GLT8D2: variants seen among roughly 807,000 people sequenced by gnomAD.
GLT8D2 encodes glycosyltransferase 8 domain-containing protein 2.
Under a neutral mutation model 44.5 loss-of-function variants are expected in GLT8D2, and 45 were observed. The observed-to-expected ratio is 1.01, with a 90% CI of 0.80 to 1.30. The LOEUF is 1.30. Among genes scored for constraint, GLT8D2 ranks in the 50% most tolerant of loss-of-function variants. GLT8D2 has a pLI of 0.00. For synonymous variants in GLT8D2, 156 were observed against 157.2 expected, an observed-to-expected ratio of 0.99 and a Z score of 0.06; for missense variants, 400 against 430.4, an observed-to-expected ratio of 0.93 and a Z score of 0.62.
chr12:104,002,261 C>T (rs1013593792), intron 5 of GLT8D2, among the ~76,000 whole-genome samples: 15 of 152,194 alleles, frequency 9.9e-5, no homozygotes, highest in African/African-American at 2.9e-4. Flanking sequence ...ACCCAGCCTA[C>T]AACACCTTTT....
chr12:104,004,013 T>G (rs975878177), intron 4 of GLT8D2, among the ~76,000 whole-genome samples: 1 of 151,986 alleles, frequency 6.6e-6, no homozygotes, highest in African/African-American at 2.4e-5. Context: ...CAGCAGCACA[T>G]CAAAAAGCTT....
chr12:103,992,719 T>A (rs1404431693), intron 10 of GLT8D2, among the ~76,000 whole-genome samples: 1 of 152,058 alleles, frequency 6.6e-6, no homozygotes, highest in Admixed American at 6.5e-5. Context: ...CTTGAACTCC[T>A]AACCTCAGGT....
chr12:104,025,246 T>A (rs1463372846), intron 1 of GLT8D2, among the ~76,000 whole-genome samples: 1 of 151,860 alleles, frequency 6.6e-6, no homozygotes, highest in Admixed American at 6.6e-5. Flanking sequence ...TTTTACTCCA[T>A]CACCCAGGCT....
intron 1 of GLT8D2, among the ~76,000 whole-genome samples, chr12:104,040,291 A>G (rs973829309): frequency 6.6e-6 from 1 of 152,250 alleles, no homozygotes; most frequent in Non-Finnish European, 1.5e-5. Context: ...AACTTAAAGT[A>G]TAATAATAAA....
chr12:104,037,281 A>C (rs1053860698), intron 1 of GLT8D2, among the ~76,000 whole-genome samples: 2 of 152,236 alleles, frequency 1.3e-5, no homozygotes, highest in African/African-American at 4.8e-5. Context: ...AACACATTCA[A>C]AAGCTAACAG....
Position 103,993,506 on chromosome 12 carries a change from T to C in GLT8D2, c.768-2A>G. On this transcript the variant is annotated splice_acceptor_variant, in intron 9 of 10. Transcript: ENST00000360814. LOFTEE classifies it high-confidence loss of function. ...AGGGAGCTGCTATAGAGGTTTTCCC[T>C]AAGAAATGAAATAGAAAAACAACAT... is the stretch of plus-strand genomic sequence containing the variant. 6.4e-7 allele frequency: 1 copy of C among 1,553,996 alleles called. No homozygotes were observed. The highest frequency in any genetic ancestry group is 8.7e-7 in the Non-Finnish European group (1 of 1,152,670).
chr12:104,049,842 C>A (rs1226263657), intron 1 of GLT8D2, 53 bp downstream of exon 1: 3 of 152,166 alleles, frequency 2.0e-5, no homozygotes, highest in African/African-American at 4.8e-5. Flanking sequence ...TGCTGCAGAC[C>A]GGCCAGGATA....
intron 6 of GLT8D2, among the ~76,000 whole-genome samples, chr12:103,998,231 CT>C (rs34268360): frequency 0.12 from 17,852 of 143,236 alleles, 1,397 homozygotes; most frequent in East Asian, 0.32. Context: ...AAACACCACT[CT>C]TTTTTTTTTT....
chr12:104,023,597 A>T (rs1003622962), intron 1 of GLT8D2, among the ~76,000 whole-genome samples: 1 of 152,124 alleles, frequency 6.6e-6, no homozygotes, highest in Non-Finnish European at 1.5e-5. Context: ...GGACTTTTAC[A>T]CATGCATAGA....
In GLT8D2 at chr12:104,064,144, C is replaced by A. The variant is rs1459671643; in HGVS notation, c.-618G>T. On this transcript the variant is annotated 5_prime_UTR_variant, in exon 1 of 11. Coordinates refer to the GLT8D2 transcript ENST00000548660. This position sits in a 1 kb window ranked among gnomAD's most constrained non-coding sequence, Gnocchi z 7.3. Reference sequence around the variant, plus strand: ...CGAGGTCCCCGCCCTGCGCTCCCAGCTCTTCGAACCTCTACCCGAGCTTCT... The same window carrying A: ...CGAGGTCCCCGCCCTGCGCTCCCAGATCTTCGAACCTCTACCCGAGCTTCT... 6.5e-6 allele frequency: 1 copy of A among 154,522 alleles called. No homozygotes were observed. The highest frequency in any genetic ancestry group is 2.4e-5 in the African/African-American group (1 of 41,568). The allele number at this position is 154,522 out of a possible 1,614,324, so 9.6% of individuals were successfully genotyped here.
intron 3 of GLT8D2, among the ~76,000 whole-genome samples, chr12:104,016,756 AAAGAAAGAAAGAAAGAAAG>A (rs1876752708): frequency 9.2e-6 from 1 of 108,792 alleles, no homozygotes; most frequent in Non-Finnish European, 2.0e-5. Flanking sequence ...AGAAAGAAAG[AAAGAAAGAAAGAAAGAAAG>A]AAGGAAGGAA....
Position 103,994,333 on chromosome 12 carries a change from A to G in GLT8D2, c.767+2T>C. 6.2e-7 allele frequency: 1 copy of G among 1,604,578 alleles called. No homozygotes were observed. Among genetic ancestry groups the G allele is most frequent in the Non-Finnish European group, 8.5e-7 (1 of 1,174,424 alleles). ...AAAAATGGTAGAGAAGCCTTCACGT[A>G]CTCCACATTCTTTTGCATCCATTTC... On this transcript the variant is annotated splice_donor_variant, in intron 9 of 10. Coordinates refer to ENST00000360814, the MANE Select transcript of GLT8D2 (RefSeq NM_001384711.1). LOFTEE classifies it high-confidence loss of function.
intron 10 of GLT8D2, among the ~76,000 whole-genome samples, chr12:103,992,491 CTTT>C (rs1232659471): frequency 9.2e-5 from 12 of 129,972 alleles, no homozygotes; most frequent in South Asian, 2.5e-4. Flanking sequence ...CTCTCTCTCT[CTTT>C]TTTTTTTTTT....
chr12:104,040,772 C>T (rs993014800), intron 1 of GLT8D2, among the ~76,000 whole-genome samples: 2 of 152,048 alleles, frequency 1.3e-5, no homozygotes, highest in African/African-American at 2.4e-5. Context: ...CTATGAGACT[C>T]GAGTATATAG....
At chr12:103,999,173 A>T (rs112128055) in intron 6 of GLT8D2, among the ~76,000 whole-genome samples, 74 of 152,298 alleles carry the variant, frequency 4.9e-4, no homozygotes, top group African/African-American at 1.7e-3. Context: ...CATTTTTTTA[A>T]TGCTTCACTT....
intron 3 of GLT8D2, among the ~76,000 whole-genome samples, chr12:104,017,572 C>T (rs1673689134): frequency 1.3e-5 from 2 of 152,232 alleles, no homozygotes; most frequent in African/African-American, 2.4e-5. Context: ...ATCCTCCCAC[C>T]TTGGTCTCCC....
chr12:104,049,361 T>G (rs141469723), intron 1 of GLT8D2: 2 of 152,176 alleles, frequency 1.3e-5, no homozygotes, highest in African/African-American at 4.8e-5. Context: ...AGATCTTTTT[T>G]AATGTTTAAA....
chr12:104,025,984 G>C (rs1169899210), intron 1 of GLT8D2, among the ~76,000 whole-genome samples: 3 of 152,070 alleles, frequency 2.0e-5, no homozygotes, highest in Non-Finnish European at 4.4e-5. Context: ...ATCAAATAAA[G>C]ATTCAATAAT....
intron 4 of GLT8D2, chr12:104,014,370 T>C: frequency 1.5e-6 from 1 of 664,424 alleles, no homozygotes; most frequent in Non-Finnish European, 2.7e-6. Flanking sequence ...AAAAAGTAAA[T>C]TAATTAAAAA....
Sources: allele counts gnomAD v4.1 joint callset (sites outside exome capture counted in the v4.1 genomes callset), GRCh38; gene constraint gnomAD v4.1.1; non-coding constraint Gnocchi (gnomAD v3.1); transcripts MANE v1.5; gene names NCBI Gene and HGNC (gene_info 2026-07-23, HGNC 2026-07-21).